SGO1: variants seen among roughly 807,000 people sequenced by gnomAD.
SGO1 encodes shugoshin 1, also known as serologically defined breast cancer antigen NY-BR-85.
In SGO1, 39 loss-of-function variants were observed where a neutral mutation model predicts 50.5. The observed-to-expected ratio is 0.77, with a 90% CI of 0.60 to 1.01. The LOEUF is 1.01. SGO1 is among the 50% of genes least tolerant of loss of function. SGO1 has a pLI of 0.00. For missense variants in SGO1, 638 were observed against 606.0 expected, an observed-to-expected ratio of 1.05 and a Z score of -0.55; for synonymous variants, 191 against 205.1, an observed-to-expected ratio of 0.93 and a Z score of 0.59.
chr3:20,160,878 C>G (rs1468354779), exon 9 of SGO1: 4 of 380,016 alleles, frequency 1.1e-5, no homozygotes, highest in African/African-American at 6.4e-5. Context: ...CAAAAGGAAA[C>G]TTAAAAGAGG....
intron 3 of SGO1, among the ~76,000 whole-genome samples, chr3:20,180,847 C>A (rs1701933925): frequency 6.6e-6 from 1 of 152,190 alleles, no homozygotes; most frequent in South Asian, 2.1e-4. Flanking sequence ...AAGCTTTAGG[C>A]CAGGTGTGGC....
intron 3 of SGO1, 36 bp downstream of exon 3, chr3:20,183,572 C>A: frequency 2.0e-6 from 3 of 1,500,136 alleles, no homozygotes; most frequent in South Asian, 1.3e-5. Flanking sequence ...CATGGCTTAA[C>A]TAAACTAAGA....
At chr3:20,173,772 T>C (rs2125294983) in intron 6 of SGO1, among the ~76,000 whole-genome samples, 1 of 152,326 alleles carries the variant, frequency 6.6e-6, no homozygotes, top group Admixed American at 6.5e-5. Context: ...TTTAGAGATG[T>C]CGTACAAAAG....
At chr3:20,165,112 G>A (rs1700228266), downstream of SGO1, among the ~76,000 whole-genome samples, 1 of 152,232 alleles carries the variant, frequency 6.6e-6, no homozygotes, top group Non-Finnish European at 1.5e-5. Flanking sequence ...GTGGCTGGAA[G>A]ACTGGGCATG....
At chr3:20,176,511 A>G in intron 5 of SGO1, 90 bp downstream of exon 5, 1 of 825,964 alleles carries the variant, frequency 1.2e-6, no homozygotes. Context: ...AAAGTTAAAA[A>G]AAAAGAATTA....
chr3:20,173,707 C>T (rs995547685), intron 6 of SGO1, among the ~76,000 whole-genome samples: 60 of 152,216 alleles, frequency 3.9e-4, no homozygotes, highest in Non-Finnish European at 1.8e-4. Flanking sequence ...GGTTGTATTA[C>T]GAACATTTGA....
At position 20,178,428 on chromosome 3, in the gene SGO1, G is replaced by T. The variant is rs557132557; in HGVS notation, c.340-81C>A. On this transcript the variant is annotated intron_variant, in intron 3 of 7. Coordinates refer to ENST00000412997, the MANE Select transcript of SGO1 (RefSeq NM_001199251.3). ...TTAATTTATTCAACAATATGCACTT[G>T]TTGACAGTCTATCATGGTGCCATGC... 6 of 1,012,350 alleles carry T rather than the reference G, an allele frequency of 5.9e-6. No individual in the cohort carries two copies. In the Admixed American group the frequency reaches 8.7e-5, roughly 15 times the overall value. The allele number at this position is 1,012,350 out of a possible 1,614,324, so 62.7% of individuals were successfully genotyped here.
intron 5 of SGO1, 151 bp downstream of exon 5, chr3:20,176,450 T>G (rs984713219): frequency 1.1e-5 from 6 of 560,156 alleles, no homozygotes; most frequent in Non-Finnish European, 1.6e-5. Flanking sequence ...TATTACTCTG[T>G]GTAAAATAAA....
chr3:20,185,370 T>C (rs1444798191), intron 1 of SGO1, among the ~76,000 whole-genome samples: 1 of 152,226 alleles, frequency 6.6e-6, no homozygotes, highest in Non-Finnish European at 1.5e-5. Context: ...AAACTTGCCA[T>C]ATCAAAAGTT....
chr3:20,183,859 T>C, intron 2 of SGO1, 27 bp downstream of exon 2: 1 of 1,605,478 alleles, frequency 6.2e-7, no homozygotes, highest in Non-Finnish European at 8.5e-7. Context: ...AAAAGTGATA[T>C]AAAAGGACAA....
chr3:20,169,741 T>C lies in SGO1; in HGVS notation c.*963A>G. ...ATCACTCTGAACATACAATTAGAGCTTGGGGTTCACAATTAGTCACTTATC... is the reference window on the plus strand; with the variant it reads ...ATCACTCTGAACATACAATTAGAGCCTGGGGTTCACAATTAGTCACTTATC... On this transcript the variant is annotated 3_prime_UTR_variant, in exon 8 of 8. Coordinates refer to ENST00000412997, the MANE Select transcript of SGO1 (RefSeq NM_001199251.3). The C allele has an allele frequency of 1.1e-6, 1 of 915,360 alleles. No individual in the cohort carries two copies. 56.7% of individuals were successfully genotyped at this position (915,360 alleles called of 1,614,324 possible). A position where few individuals can be genotyped will look rare whatever the true frequency, so the allele number is the denominator to read the frequency against.
intron 8 of SGO1, among the ~76,000 whole-genome samples, chr3:20,164,015 G>T (rs977997989): frequency 1.3e-5 from 2 of 151,804 alleles, no homozygotes; most frequent in African/African-American, 4.8e-5. Flanking sequence ...ATTCAAGAAA[G>T]ATTATCAATC....
At chr3:20,167,291 G>A (rs900139982), downstream of SGO1, among the ~76,000 whole-genome samples, 8 of 152,022 alleles carry the variant, frequency 5.3e-5, no homozygotes, top group African/African-American at 1.9e-4. Flanking sequence ...ACCTTAAAGT[G>A]AAAAACAAAA....
In SGO1 at chr3:20,170,544, C is replaced by A; in HGVS notation, c.*160G>T. On this transcript the variant is annotated 3_prime_UTR_variant, in exon 8 of 8. Coordinates refer to ENST00000412997, the MANE Select transcript of SGO1 (RefSeq NM_001199251.3). ...TATTAAAGTTTTAATACAAAGCATC[C>A]CATTTGAAGTATAGTTCTGAAGAAA... The A allele has an allele frequency of 8.0e-7, 1 of 1,245,730 alleles. No individual in the cohort carries two copies. Among genetic ancestry groups the A allele is most frequent in the Non-Finnish European group, 1.0e-6 (1 of 993,206 alleles). 77.2% of individuals were successfully genotyped at this position (1,245,730 alleles called of 1,614,324 possible). A position where few individuals can be genotyped will look rare whatever the true frequency, so the allele number is the denominator to read the frequency against.
downstream of SGO1, chr3:20,169,239 T>G: frequency 1.0e-6 from 1 of 985,252 alleles, no homozygotes; most frequent in South Asian, 4.7e-5. Flanking sequence ...TTGTTAATCA[T>G]GAACTGGGAG....
chr3:20,182,822 TC>T (rs1702176018), intron 3 of SGO1, among the ~76,000 whole-genome samples: 1 of 151,994 alleles, frequency 6.6e-6, no homozygotes, highest in African/African-American at 2.4e-5. Context: ...ATCGAGACCA[TC>T]CTGGCTAACA....
In SGO1 at chr3:20,171,239, A is replaced by T; in HGVS notation, c.1283-7T>A. 1 of 1,548,478 alleles carries T rather than the reference A, an allele frequency of 6.5e-7. No individual in the cohort carries two copies. The highest frequency in any genetic ancestry group is 1.4e-5 in the African/African-American group (1 of 70,696). ...TGAGTTTCAGGTGGTGTAGCTACAA[A>T]ACAATTTTTACTGAATATGATTTAA... On this transcript the variant is annotated splice_polypyrimidine_tract_variant and splice_region_variant and intron_variant, in intron 6 of 7. Transcript: ENST00000412997.
intron 6 of SGO1, among the ~76,000 whole-genome samples, chr3:20,172,780 C>T (rs58602917): frequency 8.0e-6 from 1 of 124,496 alleles, no homozygotes; most frequent in African/African-American, 3.2e-5. Flanking sequence ...GAGACCTCAT[C>T]TTCACAAAAA....
chr3:20,163,304 T>G (rs1400513527), intron 8 of SGO1, among the ~76,000 whole-genome samples: 1 of 152,178 alleles, frequency 6.6e-6, no homozygotes, highest in Non-Finnish European at 1.5e-5. Context: ...ACATGCTCTT[T>G]GAGGCTGAAG....
Sources: gnomAD v4.1 joint callset for allele counts (sites outside exome capture counted in the v4.1 genomes callset) on GRCh38, gnomAD v4.1.1 for gene constraint, MANE v1.5 for transcripts, NCBI Gene and HGNC (gene_info 2026-07-23, HGNC 2026-07-21) for gene names.